The following CAMK1D variants were observed in gnomAD, a reference collection of about 807,000 sequenced individuals.
CAMK1D encodes the protein calcium/calmodulin dependent protein kinase ID.
A neutral mutation model predicts 47.7 loss-of-function variants in CAMK1D; 9 were observed. The ratio of observed to expected loss-of-function variants is 0.19; its 90% CI spans 0.11 to 0.33. The LOEUF (loss-of-function observed/expected upper bound fraction) is 0.33. Among genes scored for constraint, CAMK1D ranks in the 10% least tolerant of loss-of-function variants. The probability of loss-of-function intolerance (pLI) is 1.00; values close to 1 mark genes in which losing one functional copy is unlikely to be tolerated. For synonymous variants in CAMK1D, 184 were observed against 184.9 expected (o/e 0.99, Z 0.04); for missense variants, 291 against 488.7 (o/e 0.60, Z 3.81).
intron 1 of CAMK1D, among the ~76,000 whole-genome samples, chr10:12,472,960 A>T (rs1036284338): frequency 1.3e-5 from 2 of 152,304 alleles, no homozygotes; most frequent in East Asian, 3.9e-4. Context: ...AAGCTGAAAT[A>T]TCCATGTGGG....
chr10:12,384,798 G>A (rs999596250), intron 1 of CAMK1D, among the ~76,000 whole-genome samples: 1 of 152,166 alleles, frequency 6.6e-6, no homozygotes, highest in African/African-American at 2.4e-5. Context: ...TAGATACATT[G>A]TATTTCATCA....
At chr10:12,393,501 G>A (rs73587043) in intron 1 of CAMK1D, among the ~76,000 whole-genome samples, 1,625 of 152,296 alleles carry the variant, frequency 0.011, 37 homozygotes, top group African/African-American at 0.037. Flanking sequence ...ACCACCATCT[G>A]TCCTCCTGAC....
At position 12,616,505 on chromosome 10, in the gene CAMK1D, GTTT is replaced by G. The variant is rs966347746; in HGVS notation, c.225-50227_225-50225del. ...AGGTCAAGTATCTTTTTGTTTGTTTGTTTTTTGTTGTTGTTGTTGTTGTTGTTT... is the reference window on the plus strand; with the variant it reads ...AGGTCAAGTATCTTTTTGTTTGTTTGTTTGTTGTTGTTGTTGTTGTTGTTT... On this transcript the variant is annotated intron_variant, in intron 2 of 10. Coordinates refer to ENST00000619168, the MANE Select transcript of CAMK1D (RefSeq NM_153498.4). 4.8e-4 allele frequency among the ~76,000 whole-genome samples: 34 copies of G among 70,178 alleles called. 2 individuals are homozygous for G. Among genetic ancestry groups the G allele is most frequent in the Admixed American group, 1.8e-3 (13 of 7,084 alleles). The allele number at this position is 70,178 out of a possible 152,430, so 46.0% of individuals were successfully genotyped here. A position where few individuals can be genotyped will look rare whatever the true frequency, so the allele number is the denominator to read the frequency against.
intron 3 of CAMK1D, among the ~76,000 whole-genome samples, chr10:12,680,460 T>C (rs1840953391): frequency 6.6e-6 from 1 of 152,244 alleles, no homozygotes; most frequent in Non-Finnish European, 1.5e-5. Flanking sequence ...CCCCATTTTC[T>C]GAGTGTTAAT....
chr10:12,769,364 G>A (rs980090349), intron 4 of CAMK1D, among the ~76,000 whole-genome samples: 3 of 152,304 alleles, frequency 2.0e-5, no homozygotes, highest in South Asian at 2.1e-4. Context: ...AACCCCAGAC[G>A]TAAATCCACA....
In CAMK1D at chr10:12,620,664, A is replaced by C. The variant is rs929902531; in HGVS notation, c.225-46072A>C. 4.6e-5 allele frequency among the ~76,000 whole-genome samples: 7 copies of C among 152,254 alleles called. No homozygotes were observed. The South Asian group carries it at 1.4e-3, about 32-fold the overall frequency. On this transcript the variant is annotated intron_variant, in intron 2 of 10. Transcript: ENST00000619168. The stretch of plus-strand genomic sequence containing the variant: ...TTTGACAGTTCTTTATATAGTCTGA[A>C]TATTCGTCCCCTGTGGGGTATGTGG...
At chr10:12,442,832 A>G (rs1224738320) in intron 1 of CAMK1D, among the ~76,000 whole-genome samples, 1 of 152,216 alleles carries the variant, frequency 6.6e-6, no homozygotes, top group African/African-American at 2.4e-5. Context: ...TTCATTTGTA[A>G]GGAGAAGCAT....
chr10:12,725,956 C>T (rs1477671019), intron 3 of CAMK1D, among the ~76,000 whole-genome samples: 3 of 151,942 alleles, frequency 2.0e-5, no homozygotes, highest in Non-Finnish European at 2.9e-5. Flanking sequence ...GGGGCTTCCT[C>T]ATGTTGGCCA....
chr10:12,786,678 C>G (rs113443313), intron 5 of CAMK1D, among the ~76,000 whole-genome samples: 29 of 152,222 alleles, frequency 1.9e-4, no homozygotes, highest in Non-Finnish European at 3.4e-4. Context: ...CTGTCTTAGC[C>G]TTCCAAAATG....
intron 1 of CAMK1D, among the ~76,000 whole-genome samples, chr10:12,526,426 A>T (rs1835623679): frequency 6.6e-6 from 1 of 151,662 alleles, no homozygotes; most frequent in Non-Finnish European, 1.5e-5. Flanking sequence ...GATTTATAGG[A>T]TCTCTTTTTT....
At chr10:12,805,393 C>G (rs866808675) in intron 6 of CAMK1D, among the ~76,000 whole-genome samples, 2 of 121,270 alleles carry the variant, frequency 1.6e-5, no homozygotes, top group African/African-American at 6.3e-5. Flanking sequence ...TTTTTAAACA[C>G]AGAGTTTTGC....
intron 1 of CAMK1D, among the ~76,000 whole-genome samples, chr10:12,403,479 T>C (rs1269889312): frequency 1.3e-5 from 2 of 152,216 alleles, no homozygotes; most frequent in Non-Finnish European, 2.9e-5. Context: ...TTAGCTCAGT[T>C]TCCAGAAGAG....
chr10:12,694,401 TATATAAA>T (rs1214546013), intron 3 of CAMK1D, among the ~76,000 whole-genome samples: 4 of 106,106 alleles, frequency 3.8e-5, no homozygotes, highest in African/African-American at 1.6e-4. Flanking sequence ...TTATATATCA[TATATAAA>T]ATATAAAATA....
chr10:12,371,306 G>A (rs955461380), intron 1 of CAMK1D, among the ~76,000 whole-genome samples: 1 of 152,128 alleles, frequency 6.6e-6, no homozygotes, highest in African/African-American at 2.4e-5. Context: ...GCCGGGCACG[G>A]TGGCTCACAC....
At chr10:12,546,156 T>C (rs1357924839) in intron 1 of CAMK1D, among the ~76,000 whole-genome samples, 2 of 152,154 alleles carry the variant, frequency 1.3e-5, no homozygotes, top group Admixed American at 1.3e-4. Context: ...AAATCTTATT[T>C]CCAGAAGAGT....
At chr10:12,582,827 CAGTG>C (rs1837701546) in intron 2 of CAMK1D, among the ~76,000 whole-genome samples, 1 of 152,212 alleles carries the variant, frequency 6.6e-6, no homozygotes, top group African/African-American at 2.4e-5. Context: ...TTAGTGAAGA[CAGTG>C]AGTCCCAGGA....
intron 1 of CAMK1D, among the ~76,000 whole-genome samples, chr10:12,476,291 CAA>C (rs556845152): frequency 7.1e-6 from 1 of 140,950 alleles, no homozygotes; most frequent in Admixed American, 7.1e-5. Context: ...GACTCTGTTT[CAA>C]AAAAAAAAAG....
At chr10:12,360,704 TGGG>T (rs1837633188) in intron 1 of CAMK1D, among the ~76,000 whole-genome samples, 1 of 152,090 alleles carries the variant, frequency 6.6e-6, no homozygotes, top group Non-Finnish European at 1.5e-5. Context: ...GGTCGCAAAC[TGGG>T]GAGTTGAGGG....
chr10:12,403,396 T>C (rs1839300074), intron 1 of CAMK1D, among the ~76,000 whole-genome samples: 1 of 152,234 alleles, frequency 6.6e-6, no homozygotes. Context: ...TGCCCACCTG[T>C]CTTTCTTGGA....
Sources: gnomAD v4.1 joint callset for allele counts (sites outside exome capture counted in the v4.1 genomes callset) on GRCh38, gnomAD v4.1.1 for gene constraint, MANE v1.5 for transcripts, NCBI Gene and HGNC (gene_info 2026-07-23, HGNC 2026-07-21) for gene names.